The following IKZF2 variants were observed in gnomAD, a reference collection of about 807,000 sequenced individuals.
The protein encoded by IKZF2 is zinc finger protein Helios.
In IKZF2, 15 loss-of-function variants were observed where a neutral mutation model predicts 49.2. The ratio of observed to expected loss-of-function variants is 0.30; its 90% CI spans 0.20 to 0.47. The LOEUF (loss-of-function observed/expected upper bound fraction) is 0.47, where lower values mean the gene tolerates loss of function less well. Ranked by LOEUF, IKZF2 falls within the 20% of genes least tolerant of loss-of-function variation. The pLI is 1.00. For missense variants in IKZF2, 567 were observed against 664.6 expected (o/e 0.85, Z 1.61); for synonymous variants, 227 against 221.4 (o/e 1.03, Z -0.23).
chr2:213,071,588 G>A (rs1702709799), intron 4 of IKZF2, among the ~76,000 whole-genome samples: 1 of 152,048 alleles, frequency 6.6e-6, no homozygotes, highest in Non-Finnish European at 1.5e-5. Context: ...TTTATATTAG[G>A]TGGAGACAAG....
At chr2:213,100,801 T>C (rs968800578) in intron 4 of IKZF2, among the ~76,000 whole-genome samples, 2 of 152,072 alleles carry the variant, frequency 1.3e-5, no homozygotes, top group Non-Finnish European at 2.9e-5. Flanking sequence ...CAGGTACTTG[T>C]ATAAAGAGAA....
chr2:213,136,683 C>T (rs975539504), intron 4 of IKZF2, among the ~76,000 whole-genome samples: 1 of 151,974 alleles, frequency 6.6e-6, no homozygotes, highest in African/African-American at 2.4e-5. Flanking sequence ...CTTTAAATTA[C>T]ACAAATAATA....
At chr2:213,128,804 C>CTTTT (rs1184422126) in intron 4 of IKZF2, among the ~76,000 whole-genome samples, 20 of 113,178 alleles carry the variant, frequency 1.8e-4, no homozygotes, top group Non-Finnish European at 2.3e-4. Context: ...ATTTTTTTTT[C>CTTTT]TTTTTTTTTT....
intron 2 of IKZF2, among the ~76,000 whole-genome samples, chr2:213,149,766 C>G (rs551448023): frequency 6.7e-6 from 1 of 148,668 alleles, no homozygotes; most frequent in East Asian, 1.9e-4. Context: ...TCTTCACCAC[C>G]ACACTCCCTT....
intron 4 of IKZF2, among the ~76,000 whole-genome samples, chr2:213,122,060 T>C (rs1421339327): frequency 6.6e-6 from 1 of 151,746 alleles, no homozygotes; most frequent in African/African-American, 2.4e-5. Flanking sequence ...AAAGGAAAAA[T>C]TATCAAAGGC....
intron 4 of IKZF2, among the ~76,000 whole-genome samples, chr2:213,066,799 T>A (rs901016231): frequency 6.6e-6 from 1 of 152,072 alleles, no homozygotes; most frequent in Non-Finnish European, 1.5e-5. Flanking sequence ...AGAATGCATA[T>A]AATTAAAGGC....
intron 4 of IKZF2, among the ~76,000 whole-genome samples, chr2:213,105,876 C>T (rs900523929): frequency 3.9e-5 from 6 of 152,130 alleles, no homozygotes; most frequent in Non-Finnish European, 7.4e-5. Flanking sequence ...TTTGTTATTT[C>T]GCTGTAATGT....
In IKZF2 at chr2:213,128,804, CTTTTTT is replaced by C. The variant is rs1184422126; in HGVS notation, c.139+18898_139+18903del. The stretch of plus-strand genomic sequence containing the variant: ...CACCACACCACACTAATTTTTTTTT[CTTTTTT>C]TTTTTTTTTTTTTGTATTTTTAGTA... On this transcript the variant is annotated intron_variant, in intron 4 of 8. Transcript: ENST00000434687. 1.6e-4 allele frequency among the ~76,000 whole-genome samples: 18 copies of C among 113,204 alleles called. No individual in the cohort carries two copies. In the South Asian group the frequency reaches 4.3e-3, roughly 27 times the overall value. 74.3% of individuals were successfully genotyped at this position (113,204 alleles called of 152,430 possible).
intron 4 of IKZF2, among the ~76,000 whole-genome samples, chr2:213,089,344 T>C (rs2125628339): frequency 6.6e-6 from 1 of 152,266 alleles, no homozygotes; most frequent in East Asian, 1.9e-4. Flanking sequence ...CACGCAGACC[T>C]TCTCACTTCA....
intron 4 of IKZF2, among the ~76,000 whole-genome samples, chr2:213,111,643 T>C (rs1239363114): frequency 6.6e-6 from 1 of 152,104 alleles, no homozygotes; most frequent in East Asian, 1.9e-4. Flanking sequence ...ATCTACCTAG[T>C]TTCTGAAATT....
intron 4 of IKZF2, among the ~76,000 whole-genome samples, chr2:213,078,955 G>A (rs1443716250): frequency 6.6e-6 from 1 of 152,214 alleles, no homozygotes; most frequent in African/African-American, 2.4e-5. Context: ...TGATATGACA[G>A]TAGTACTAGC....
At chr2:213,072,983 C>T (rs1702871555) in intron 4 of IKZF2, among the ~76,000 whole-genome samples, 1 of 151,976 alleles carries the variant, frequency 6.6e-6, no homozygotes, top group South Asian at 2.1e-4. Flanking sequence ...TTTAATAATG[C>T]ATAAATTCAG....
chr2:213,041,329 A>C (rs1474004139), intron 6 of IKZF2, among the ~76,000 whole-genome samples: 1 of 139,466 alleles, frequency 7.2e-6, no homozygotes, highest in Non-Finnish European at 1.6e-5. Context: ...ACTTGACTGT[A>C]ATCTTTTTTT....
At chr2:213,132,087 C>T (rs898921474) in intron 4 of IKZF2, among the ~76,000 whole-genome samples, 3 of 152,070 alleles carry the variant, frequency 2.0e-5, no homozygotes, top group Non-Finnish European at 2.9e-5. Context: ...CTCCAAGAGA[C>T]AAGCACTAAC....
At position 213,005,929 on chromosome 2, in the gene IKZF2, T is replaced by C. The variant is rs1163950380; in HGVS notation, c.*1431A>G. The C allele has an allele frequency of 6.6e-6, 1 of 152,098 alleles. No homozygotes were observed. The highest frequency in any genetic ancestry group is 1.5e-5 in the Non-Finnish European group (1 of 67,988). The allele number at this position is 152,098 out of a possible 1,614,324, so 9.4% of individuals were successfully genotyped here. On this transcript the variant is annotated 3_prime_UTR_variant, in exon 9 of 9. Coordinates refer to ENST00000434687, the MANE Select transcript of IKZF2 (RefSeq NM_001387220.1). ...ACAAGGACTTACACAATTAAATGTT[T>C]TGGAAACAGAAAAATGTGCAGGACT...
At chr2:213,146,028 C>G (rs930925581) in intron 4 of IKZF2, among the ~76,000 whole-genome samples, 1 of 152,068 alleles carries the variant, frequency 6.6e-6, no homozygotes, top group Non-Finnish European at 1.5e-5. Flanking sequence ...AGAAATAAAG[C>G]AGCCAATTAA....
At chr2:213,099,706 A>G (rs1706430357) in intron 4 of IKZF2, among the ~76,000 whole-genome samples, 2 of 152,188 alleles carry the variant, frequency 1.3e-5, no homozygotes, top group South Asian at 4.1e-4. Context: ...CATATTATGA[A>G]CAAAAGCATG....
chr2:213,136,305 G>C (rs1277237730), intron 4 of IKZF2, among the ~76,000 whole-genome samples: 1 of 142,422 alleles, frequency 7.0e-6, no homozygotes, highest in African/African-American at 2.6e-5. Flanking sequence ...TGGGAGTGAA[G>C]GGTTGCAGTG....
chr2:213,119,589 C>A (rs2059985227), intron 4 of IKZF2, among the ~76,000 whole-genome samples: 1 of 152,050 alleles, frequency 6.6e-6, no homozygotes, highest in Admixed American at 6.6e-5. Context: ...TAAGGAAGTC[C>A]CTAGTAATTT....
Sources: gnomAD v4.1 joint callset for allele counts (sites outside exome capture counted in the v4.1 genomes callset) on GRCh38, gnomAD v4.1.1 for gene constraint, MANE v1.5 for transcripts, NCBI Gene and HGNC (gene_info 2026-07-23, HGNC 2026-07-21) for gene names.